Variants in SCMH1 observed in about 807,000 individuals in gnomAD.
SCMH1 encodes Scm polycomb group protein homolog 1.
SCMH1 carries 37 observed loss-of-function variants against 70.8 expected under a neutral mutation model. The ratio of observed to expected loss-of-function variants is 0.52; its 90% confidence interval spans 0.40 to 0.69. The LOEUF (loss-of-function observed/expected upper bound fraction) is 0.69. Among genes scored for constraint, SCMH1 ranks in the 30% least tolerant of loss-of-function variants. The probability of loss-of-function intolerance (pLI) is 0.00; values close to 1 mark genes in which losing one functional copy is unlikely to be tolerated. For synonymous variants in SCMH1, 292 were observed against 307.4 expected, an observed-to-expected ratio of 0.95 and a Z score of 0.52; for missense variants, 607 against 827.3, an observed-to-expected ratio of 0.73 and a Z score of 3.27.
intron 2 of SCMH1, among the ~76,000 whole-genome samples, chr1:41,170,006 G>T (rs72947909): frequency 0.03 from 4,597 of 152,238 alleles, 219 homozygotes; most frequent in African/African-American, 0.1. Context: ...ATGTAAGTTA[G>T]TTAGAAGCCA....
intron 5 of SCMH1, among the ~76,000 whole-genome samples, chr1:41,144,404 A>G (rs75372788): frequency 0.014 from 2,192 of 152,308 alleles, 48 homozygotes; most frequent in African/African-American, 0.05. Flanking sequence ...AAATGGATTC[A>G]AGGTTCACCC....
intron 5 of SCMH1, among the ~76,000 whole-genome samples, chr1:41,150,217 T>C (rs904942513): frequency 6.6e-6 from 1 of 152,186 alleles, no homozygotes; most frequent in Admixed American, 6.5e-5. Flanking sequence ...TAAAAACCAT[T>C]GTTGGCTAGG....
At chr1:41,227,321 G>C (rs1235098787) in intron 1 of SCMH1, among the ~76,000 whole-genome samples, 1 of 152,044 alleles carries the variant, frequency 6.6e-6, no homozygotes, top group Non-Finnish European at 1.5e-5. Flanking sequence ...TTCTTTCTCA[G>C]CTAAAAAATC....
chr1:41,140,614 T>C (rs556088893), intron 6 of SCMH1, among the ~76,000 whole-genome samples: 32 of 152,206 alleles, frequency 2.1e-4, no homozygotes, highest in African/African-American at 7.7e-4. Context: ...AAAAGGTAGT[T>C]CCTGCCTCTC....
intron 12 of SCMH1, among the ~76,000 whole-genome samples, chr1:41,044,646 T>G (rs1646674522): frequency 2.0e-5 from 3 of 152,054 alleles, no homozygotes; most frequent in Non-Finnish European, 1.5e-5. Context: ...ACACAAAAAG[T>G]GGGCTCAATC....
At chr1:41,124,408 G>T (rs1309397070) in intron 6 of SCMH1, among the ~76,000 whole-genome samples, 1 of 152,056 alleles carries the variant, frequency 6.6e-6, no homozygotes, top group Non-Finnish European at 1.5e-5. Flanking sequence ...ATCACATACT[G>T]CAATTGGTTG....
At chr1:41,224,626 C>G (rs546692530) in intron 1 of SCMH1, among the ~76,000 whole-genome samples, 7 of 152,172 alleles carry the variant, frequency 4.6e-5, no homozygotes, top group Admixed American at 3.9e-4. Context: ...ATTCTCACAA[C>G]AAACCCAATG....
chr1:41,201,053 AG>A (rs1403247582), intron 1 of SCMH1, among the ~76,000 whole-genome samples: 3 of 152,360 alleles, frequency 2.0e-5, no homozygotes, highest in Admixed American at 2.0e-4. Flanking sequence ...AATCCTATAT[AG>A]AAAACTATCT....
chr1:41,056,471 A>G (rs1553211697), intron 10 of SCMH1, among the ~76,000 whole-genome samples: 1 of 150,800 alleles, frequency 6.6e-6, no homozygotes, highest in Non-Finnish European at 1.5e-5. Flanking sequence ...TTTTTTTACT[A>G]GATCCATTAA....
At chr1:41,179,329 A>T (rs1321692866) in intron 2 of SCMH1, among the ~76,000 whole-genome samples, 3 of 152,242 alleles carry the variant, frequency 2.0e-5, no homozygotes, top group African/African-American at 7.2e-5. Context: ...GAGCAAACAC[A>T]TTCAAAAGTT....
chr1:41,238,231 C>A (rs1390571185), intron 1 of SCMH1, among the ~76,000 whole-genome samples: 1 of 152,072 alleles, frequency 6.6e-6, no homozygotes, highest in African/African-American at 2.4e-5. Flanking sequence ...TGTTCCCTAC[C>A]CACCCACTAA....
At chr1:41,128,452 G>T (rs213758) in intron 6 of SCMH1, among the ~76,000 whole-genome samples, 1 of 152,026 alleles carries the variant, frequency 6.6e-6, no homozygotes, top group Non-Finnish European at 1.5e-5. Context: ...TTAACAACTT[G>T]TTTTCCTTTT....
At chr1:41,097,454 C>A (rs1453275413) in intron 8 of SCMH1, among the ~76,000 whole-genome samples, 1 of 152,106 alleles carries the variant, frequency 6.6e-6, no homozygotes, top group African/African-American at 2.4e-5. Context: ...AACTGTCTCC[C>A]GAATGTCTCA....
chr1:41,152,764 G>A, intron 4 of SCMH1: 1 of 1,581,972 alleles, frequency 6.3e-7, no homozygotes, highest in Admixed American at 1.9e-5. Flanking sequence ...ATGAGTCACT[G>A]AATGAAGAAA....
intron 1 of SCMH1, among the ~76,000 whole-genome samples, chr1:41,220,055 A>G (rs1349964494): frequency 1.3e-5 from 2 of 152,230 alleles, no homozygotes; most frequent in African/African-American, 4.8e-5. Flanking sequence ...TCATCTGTAG[A>G]ATTGGGCTTT....
chr1:41,028,516 C>T (rs572966698), intron 14 of SCMH1, 68 bp downstream of exon 15: 16 of 1,589,274 alleles, frequency 1.0e-5, no homozygotes, highest in East Asian at 6.7e-5. Flanking sequence ...CCAAACATCT[C>T]GTATTGTCCC....
At chr1:41,142,132 T>A (rs865981252) in intron 6 of SCMH1, among the ~76,000 whole-genome samples, 190 of 152,160 alleles carry the variant, frequency 1.2e-3, no homozygotes, top group African/African-American at 4.3e-3. Flanking sequence ...CATTACAAAT[T>A]TTTTTTTAAT....
At chr1:41,211,010 G>A (rs1323926520) in intron 1 of SCMH1, among the ~76,000 whole-genome samples, 4 of 152,008 alleles carry the variant, frequency 2.6e-5, no homozygotes, top group South Asian at 2.1e-4. Flanking sequence ...AGCTTTCACC[G>A]TGTTGGCCAG....
intron 1 of SCMH1, among the ~76,000 whole-genome samples, chr1:41,235,569 TAAAAAAAAAAAAAAAAAA>T (rs61093555): frequency 2.3e-5 from 1 of 43,086 alleles, no homozygotes; most frequent in South Asian, 9.6e-4. Context: ...AGACTCCGTC[TAAAAAAAAAAAAAAAAAA>T]AAAAAAAAAG....
Sources: allele counts gnomAD v4.1 joint callset (sites outside exome capture counted in the v4.1 genomes callset), GRCh38; gene constraint gnomAD v4.1.1; transcripts MANE v1.5; gene names NCBI Gene and HGNC (gene_info 2026-07-23, HGNC 2026-07-21).